Variants in OSBPL1A observed in about 807,000 individuals in gnomAD.
OSBPL1A encodes oxysterol-binding protein-related protein 1.
A neutral mutation model predicts 137.1 loss-of-function variants in OSBPL1A; 80 were observed. That is an observed-to-expected ratio of 0.58 (90% confidence interval 0.49 to 0.70). The LOEUF (loss-of-function observed/expected upper bound fraction) is 0.70. OSBPL1A is among the 30% of genes least tolerant of loss of function. The pLI is 0.00. For synonymous variants in OSBPL1A, 365 were observed against 389.7 expected (o/e 0.94, Z 0.75); for missense variants, 970 against 1,129.4 (o/e 0.86, Z 2.02).
intron 4 of OSBPL1A, among the ~76,000 whole-genome samples, chr18:24,360,756 G>T (rs2091609287): frequency 6.6e-6 from 1 of 152,112 alleles, no homozygotes; most frequent in Non-Finnish European, 1.5e-5. Context: ...TCCTAAAGAT[G>T]TGCATAGCAA....
intron 16 of OSBPL1A, among the ~76,000 whole-genome samples, chr18:24,238,929 G>C (rs2088590074): frequency 6.6e-6 from 1 of 152,218 alleles, no homozygotes; most frequent in African/African-American, 2.4e-5. Flanking sequence ...TGGTCACCCA[G>C]TAAAGGACAA....
At chr18:24,327,407 T>G (rs541601673) in intron 7 of OSBPL1A, among the ~76,000 whole-genome samples, 1 of 152,056 alleles carries the variant, frequency 6.6e-6, no homozygotes, top group African/African-American at 2.4e-5. Flanking sequence ...CTTTGATTGA[T>G]TGATTGATTT....
intron 18 of OSBPL1A, among the ~76,000 whole-genome samples, chr18:24,185,935 G>A (rs956815886): frequency 3.3e-5 from 5 of 152,102 alleles, no homozygotes; most frequent in African/African-American, 1.2e-4. Context: ...AAGTGTGGGG[G>A]CGTGCATCTG....
chr18:24,233,709 C>A (rs1247599313), intron 16 of OSBPL1A, among the ~76,000 whole-genome samples: 1 of 152,074 alleles, frequency 6.6e-6, no homozygotes, highest in African/African-American at 2.4e-5. Flanking sequence ...AGTGCAATGG[C>A]GCGATCTCGG....
In OSBPL1A at chr18:24,341,697, G is replaced by T. The variant is rs1343882943; in HGVS notation, c.283-39C>A. 5.6e-6 allele frequency: 8 copies of T among 1,416,894 alleles called. No individual in the cohort carries two copies. The South Asian group carries it at 5.9e-5, about 11-fold the overall frequency. 87.8% of individuals were successfully genotyped at this position (1,416,894 alleles called of 1,614,324 possible). ...AATTTATTTTTAACTATTAAGCTAA[G>T]ATTTTATTGCATTACCACCCTTTTC... On this transcript the variant is annotated intron_variant, in intron 4 of 27. Coordinates refer to ENST00000319481, the MANE Select transcript of OSBPL1A (RefSeq NM_080597.4).
intron 1 of OSBPL1A, among the ~76,000 whole-genome samples, chr18:24,382,762 G>A (rs973940604): frequency 4.6e-5 from 7 of 151,914 alleles, no homozygotes; most frequent in Admixed American, 1.3e-4. Context: ...TGTAGTCTCC[G>A]CTACCTGAGA....
chr18:24,317,349 C>T lies in OSBPL1A; in HGVS notation c.784G>A (p.Val262Ile), dbSNP rs371367188. The T allele has an allele frequency of 6.2e-7, 1 of 1,613,660 alleles. No individual in the cohort carries two copies. The highest frequency in any genetic ancestry group is 8.5e-7 in the Non-Finnish European group (1 of 1,179,716). ...TACTGTTTCCTATACCATGAAAGGA[C>T]TCCATGCTCTAACACTACCCAGAAT... ...RLFWVVLEHG[V>I]LSWYRKQPDA... The change falls in exon 10 of 28, where the codon GTC becomes ATC. Residue 262 changes from valine (V) to isoleucine (I), a missense_variant. Physicochemically the swap from Val to Ile is conservative, Grantham distance 29. Around this residue, in one of 2 missense-constraint regions of OSBPL1A, gnomAD observed 647 missense variants for 672.6 expected, o/e 0.96. Coordinates refer to ENST00000319481, the MANE Select transcript of OSBPL1A (RefSeq NM_080597.4).
intron 15 of OSBPL1A, among the ~76,000 whole-genome samples, chr18:24,253,913 T>TA (rs2089189769): frequency 6.6e-6 from 1 of 152,208 alleles, no homozygotes; most frequent in South Asian, 2.1e-4. Context: ...ATCTTGTAGC[T>TA]AATTTGTTAG....
chr18:24,235,791 C>T (rs1327934862), intron 16 of OSBPL1A, among the ~76,000 whole-genome samples: 3 of 152,198 alleles, frequency 2.0e-5, no homozygotes, highest in Non-Finnish European at 2.9e-5. Flanking sequence ...CGTCCATGTC[C>T]TTATCTCTGG....
chr18:24,302,739 C>A (rs2090426799), intron 14 of OSBPL1A: 1 of 151,984 alleles, frequency 6.6e-6, no homozygotes, highest in Non-Finnish European at 1.5e-5. Flanking sequence ...TATTTATAGT[C>A]AACTCTTGAG....
intron 13 of OSBPL1A, among the ~76,000 whole-genome samples, chr18:24,305,913 A>G (rs1192279049): frequency 2.6e-5 from 4 of 152,202 alleles, no homozygotes; most frequent in Admixed American, 2.6e-4. Context: ...ACCTTCCACC[A>G]AGATTGTGAG....
In OSBPL1A at chr18:24,334,323, T is replaced by C; in HGVS notation, c.402A>G (p.Glu134=). ...EEIRSMLEAV[E]RTQQRKLEEL... is the part of the protein sequence containing the mutation. ...CTTCAAGCTTTCTTTGTTGAGTCCT[T>C]TCTACAGCTGCAAAAGAAAAGTACT... Residue 134 remains glutamate, a synonymous_variant, in exon 6 of 28, where the codon GAA becomes GAG. Coordinates refer to ENST00000319481, the MANE Select transcript of OSBPL1A (RefSeq NM_080597.4). The C allele has an allele frequency of 6.2e-7, 1 of 1,608,360 alleles. No homozygotes were observed. The highest frequency in any genetic ancestry group is 8.5e-7 in the Non-Finnish European group (1 of 1,178,360).
chr18:24,288,387 G>A (rs1386177581), intron 14 of OSBPL1A, among the ~76,000 whole-genome samples: 1 of 152,234 alleles, frequency 6.6e-6, no homozygotes, highest in Non-Finnish European at 1.5e-5. Context: ...GAATGCTTCT[G>A]TTAAGGCTGT....
intron 16 of OSBPL1A, among the ~76,000 whole-genome samples, chr18:24,237,297 T>G (rs8085538): frequency 6.6e-6 from 1 of 152,186 alleles, no homozygotes; most frequent in African/African-American, 2.4e-5. Flanking sequence ...TTAAATAAAA[T>G]TTTTTAAAGG....
rs1298693700 is a variant in OSBPL1A, at chr18:24,303,640, T to C, written c.1171A>G (p.Lys391Glu). The C allele has an allele frequency of 1.9e-6, 3 of 1,611,466 alleles. No homozygotes were observed. The highest frequency in any genetic ancestry group is 2.7e-5 in the African/African-American group (2 of 74,852). Reference sequence around the variant, plus strand: ...GGGATAGTGCTTGTCTTTTTACCTTTAGCCATGTCACACTCCTTAATCATT... The same window carrying C: ...GGGATAGTGCTTGTCTTTTTACCTTCAGCCATGTCACACTCCTTAATCATT... Reference protein sequence around the residue: ...LKMIKECDMAKEMLPSFLQKV... With the variant: ...LKMIKECDMAEEMLPSFLQKV... Residue 391 changes from lysine to glutamate, a missense_variant, in exon 14 of 28, where the codon AAA (lysine) becomes GAA (glutamate). Around this residue, in one of 2 missense-constraint regions of OSBPL1A, gnomAD observed 647 missense variants for 672.6 expected, o/e 0.96. Transcript: ENST00000319481.
chr18:24,338,972 A>G (rs1362436326), intron 5 of OSBPL1A, among the ~76,000 whole-genome samples: 1 of 151,882 alleles, frequency 6.6e-6, no homozygotes, highest in Admixed American at 6.6e-5. Flanking sequence ...TCAGCTTCCC[A>G]AAGTGCTGGG....
intron 15 of OSBPL1A, among the ~76,000 whole-genome samples, chr18:24,267,034 TA>T (rs1349551827): frequency 6.6e-6 from 1 of 151,620 alleles, no homozygotes; most frequent in Non-Finnish European, 1.5e-5. Flanking sequence ...ATGAGACTTA[TA>T]GGGAGGGACT....
At chr18:24,373,680 CAGG>C (rs1166694068) in intron 2 of OSBPL1A, among the ~76,000 whole-genome samples, 1 of 152,056 alleles carries the variant, frequency 6.6e-6, no homozygotes, top group African/African-American at 2.4e-5. Context: ...TTAATTCTTG[CAGG>C]AGAATTATAG....
chr18:24,176,218 C>T (rs1442352515), intron 21 of OSBPL1A, among the ~76,000 whole-genome samples: 1 of 152,184 alleles, frequency 6.6e-6, no homozygotes, highest in South Asian at 2.1e-4. Flanking sequence ...TTGATTTGGA[C>T]TGTGCTCATA....
Sources: gnomAD v4.1 joint callset for allele counts (sites outside exome capture counted in the v4.1 genomes callset) on GRCh38, gnomAD v4.1.1 for gene constraint, gnomAD v4.1.1 regional missense constraint, MANE v1.5 for transcripts, NCBI Gene and HGNC (gene_info 2026-07-23, HGNC 2026-07-21) for gene names.